DMD: variants seen among roughly 807,000 people sequenced by gnomAD.
DMD encodes the protein dystrophin.
Under a neutral mutation model 330.1 loss-of-function variants are expected in DMD, and 63 were observed. That is an observed-to-expected ratio of 0.19 (90% CI 0.16 to 0.24). DMD has a LOEUF of 0.24. Ranked by LOEUF, DMD falls within the 10% of genes least tolerant of loss-of-function variation. DMD has a pLI of 1.00. For missense variants in DMD, 3,344 were observed against 2,684.1 expected (o/e 1.25, Z -5.43); for synonymous variants, 1,223 against 959.8 (o/e 1.27, Z -5.07).
chrX:31,185,372 T>C (rs190923857), intron 67 of DMD, among the ~76,000 whole-genome samples: 12 of 111,795 alleles, frequency 1.1e-4, no homozygotes, highest in Admixed American at 4.7e-4. Context: ...AGGACTTCCC[T>C]AGTTCCCCCC....
At chrX:32,606,013 T>G (rs1224812992) in intron 12 of DMD, among the ~76,000 whole-genome samples, 1 of 110,728 alleles carries the variant, frequency 9.0e-6, no homozygotes, top group East Asian at 2.8e-4. Context: ...ACCTTAAGCA[T>G]TTGTCCTTTG....
chrX:31,446,850 C>A (rs971450933), intron 59 of DMD, among the ~76,000 whole-genome samples: 2 of 111,729 alleles, frequency 1.8e-5, no homozygotes, highest in Non-Finnish European at 3.8e-5. Flanking sequence ...AAATAAATAT[C>A]ATGTGAGGGG....
In DMD at chrX:32,438,243, C is replaced by T; in HGVS notation, c.4069G>A (p.Glu1357Lys). 1 of 1,211,012 alleles carries T rather than the reference C, an allele frequency of 8.3e-7. No homozygotes were observed. The highest frequency in any genetic ancestry group is 1.1e-6 in the Non-Finnish European group (1 of 895,072). The part of the protein sequence containing the change: ...FNSRWRELHE[E>K]AVRRQKLLEQ... ...AGATTTTTCACTTATCTTCATACCT[C>T]TTCATGTAGTTCCCTCCAACGAGAA... Residue 1357 changes from glutamate (E) to lysine (K), a missense_variant and splice_region_variant, in exon 29 of 79, where the codon GAG becomes AAG. Physicochemically the swap from Glu to Lys is moderately conservative, Grantham distance 56. Transcript: ENST00000357033.
intron 53 of DMD, among the ~76,000 whole-genome samples, chrX:31,663,778 AAACAAC>A (rs745500741): frequency 1.8e-5 from 2 of 110,742 alleles, no homozygotes; most frequent in Non-Finnish European, 3.8e-5. Context: ...TCTCATCTTT[AAACAAC>A]AACAACAACA....
At chrX:32,569,821 C>G (rs767444130) in intron 15 of DMD, among the ~76,000 whole-genome samples, 104 of 110,636 alleles carry the variant, frequency 9.4e-4, no homozygotes, top group Non-Finnish European at 1.8e-3. Context: ...CTGTCCTTCC[C>G]CAGCAAACGC....
At chrX:31,503,541 T>C (rs769101693) in intron 56 of DMD, among the ~76,000 whole-genome samples, 16 of 112,309 alleles carry the variant, frequency 1.4e-4, no homozygotes, top group African/African-American at 5.2e-4. Flanking sequence ...CTGGAGGCAG[T>C]AAGCATAGCC....
In DMD at chrX:32,573,533, C is replaced by T. The variant is rs192176661; in HGVS notation, c.1809G>A (p.Leu603=). The part of the protein sequence containing the change: ...QNEMLSSLQK[L]AVLKADLEKK... ...TTGAAAGCTAGAAAGTACATACGGC[C>T]AGTTTTTGAAGACTTGATAACATTT... Residue 603 remains leucine, a synonymous_variant, in exon 15 of 79, where the codon CTG becomes CTA. Transcript: ENST00000357033. 2.2e-4 allele frequency: 267 copies of T among 1,205,767 alleles called. 1 individual carries two copies. The East Asian group carries it at 6.4e-3, about 29-fold the overall frequency.
intron 1 of DMD, among the ~76,000 whole-genome samples, chrX:33,183,425 G>A (rs2050090119): frequency 8.9e-6 from 1 of 111,850 alleles, no homozygotes. Flanking sequence ...TCAGCTATTT[G>A]TCAAAGCTAA....
intron 41 of DMD, among the ~76,000 whole-genome samples, chrX:32,332,260 G>GA (rs1456743234): frequency 5.4e-5 from 6 of 110,862 alleles, no homozygotes; most frequent in South Asian, 7.6e-4. Flanking sequence ...ACAGCAGTGG[G>GA]AAAAAAAGAC....
intron 1 of DMD, among the ~76,000 whole-genome samples, chrX:33,070,639 A>ATCTCTCTCTCTCTC (rs1291687487): frequency 1.5e-3 from 32 of 21,387 alleles, no homozygotes; most frequent in African/African-American, 1.7e-3. Flanking sequence ...GTATCTATCC[A>ATCTCTCTCTCTCTC]TCTCTCTCTC....
At chrX:32,279,365 G>A (rs756977404) in intron 43 of DMD, among the ~76,000 whole-genome samples, 1 of 111,544 alleles carries the variant, frequency 9.0e-6, no homozygotes, top group South Asian at 3.8e-4. Flanking sequence ...GTACTCCCAC[G>A]TTTGTTGAAG....
intron 47 of DMD, among the ~76,000 whole-genome samples, chrX:31,920,438 T>G (rs1053519872): frequency 1.8e-5 from 2 of 112,202 alleles, no homozygotes; most frequent in African/African-American, 6.5e-5. Context: ...TTTAATATCA[T>G]TTCACGATTA....
chrX:31,178,082 A>G, intron 70 of DMD, 112 bp from the exon 71 acceptor site: 1 of 1,085,782 alleles, frequency 9.2e-7, no homozygotes, highest in Non-Finnish European at 1.3e-6. Context: ...TGAACCATGG[A>G]AAGCAATAGC....
At chrX:32,762,020 C>T (rs898547344) in intron 7 of DMD, among the ~76,000 whole-genome samples, 3 of 108,529 alleles carry the variant, frequency 2.8e-5, no homozygotes, top group East Asian at 2.9e-4. Context: ...CATAGTTGCA[C>T]GCGCCTGTAA....
intron 48 of DMD, among the ~76,000 whole-genome samples, chrX:31,838,199 T>C (rs2093245098): frequency 8.9e-6 from 1 of 111,749 alleles, no homozygotes; most frequent in Admixed American, 9.5e-5. Flanking sequence ...CACTATAAAT[T>C]CACCCTTGAA....
In DMD at chrX:33,265,502, A is replaced by G. The variant is rs192214110; in HGVS notation, c.7+73757T>C. On this transcript the variant is annotated intron_variant, in intron 1 of 17. Transcript: ENST00000288447. ...TTTTACTTCTTCTTTTTGCATTTCA[A>G]TTGAAATCCTAGGAAACTTTGGCAA... 1.2e-4 allele frequency among the ~76,000 whole-genome samples: 13 copies of G among 111,480 alleles called. No individual in the cohort carries two copies. The East Asian group carries it at 1.7e-3, about 14-fold the overall frequency.
At chrX:32,655,274 C>T (rs1042048013) in intron 9 of DMD, among the ~76,000 whole-genome samples, 1 of 112,058 alleles carries the variant, frequency 8.9e-6, no homozygotes, top group Non-Finnish European at 1.9e-5. Context: ...TGTGGGCATT[C>T]AGTGCTATAA....
At chrX:32,792,130 C>A (rs1257628001) in intron 7 of DMD, among the ~76,000 whole-genome samples, 1 of 111,550 alleles carries the variant, frequency 9.0e-6, no homozygotes, top group East Asian at 2.8e-4. Context: ...GGATACTCTA[C>A]CCAGCCAAGG....
intron 56 of DMD, among the ~76,000 whole-genome samples, chrX:31,500,772 A>G (rs1348769123): frequency 8.9e-6 from 1 of 112,257 alleles, no homozygotes; most frequent in African/African-American, 3.2e-5. Context: ...ATATGTAGAA[A>G]TCAAGATTGC....
Sources: allele counts gnomAD v4.1 joint callset (sites outside exome capture counted in the v4.1 genomes callset), GRCh38; gene constraint gnomAD v4.1.1; transcripts MANE v1.5; gene names NCBI Gene and HGNC (gene_info 2026-07-23, HGNC 2026-07-21).